The following ITPR2 variants were observed in gnomAD, a reference collection of about 807,000 sequenced individuals.
The protein encoded by ITPR2 is inositol 1,4,5-trisphosphate receptor type 2, also known as inositol 1,4,5-trisphosphate-gated calcium channel ITPR2.
ITPR2 carries 207 observed loss-of-function variants against 317.1 expected under a neutral mutation model. The ratio of observed to expected loss-of-function variants is 0.65; its 90% CI spans 0.58 to 0.73. The LOEUF (loss-of-function observed/expected upper bound fraction) is 0.73, where lower values mean the gene tolerates loss of function less well. Among genes scored for constraint, ITPR2 ranks in the 30% least tolerant of loss-of-function variants. The probability of loss-of-function intolerance (pLI) is 0.00; values close to 1 mark genes in which losing one functional copy is unlikely to be tolerated. For missense variants in ITPR2, 2,613 were observed against 3,284.0 expected (o/e 0.80, Z 4.99); for synonymous variants, 1,156 against 1,149.1 (o/e 1.01, Z -0.12).
chr12:26,444,467 A>G (rs1004643828), intron 45 of ITPR2, among the ~76,000 whole-genome samples: 7 of 152,136 alleles, frequency 4.6e-5, no homozygotes, highest in East Asian at 1.9e-4. Flanking sequence ...TTTCACTCCC[A>G]GCACAATGCC....
At chr12:26,461,627 A>ATATATATATAT (rs1942023954) in intron 45 of ITPR2, among the ~76,000 whole-genome samples, 1 of 48,718 alleles carries the variant, frequency 2.1e-5, no homozygotes, top group African/African-American at 8.4e-5. Flanking sequence ...AAAGCATATA[A>ATATATATATAT]ATATATATAT....
chr12:26,825,764 T>C lies in ITPR2; in HGVS notation c.92+6926A>G, dbSNP rs1456074325. Among the ~76,000 whole-genome samples, 6 of 152,228 alleles carry C rather than the reference T, an allele frequency of 3.9e-5. No individual in the cohort carries two copies. In the East Asian group the frequency reaches 1.2e-3, roughly 29 times the overall value. Reference sequence around the variant, plus strand: ...CACCCTTTCAGCTTAAAATATACTTTATGTTCACCACTTCAGAAACTCTCT... The same window carrying C: ...CACCCTTTCAGCTTAAAATATACTTCATGTTCACCACTTCAGAAACTCTCT... On this transcript the variant is annotated intron_variant, in intron 1 of 56. Transcript: ENST00000381340.
At chr12:26,454,494 C>T (rs1941829104) in intron 45 of ITPR2, among the ~76,000 whole-genome samples, 1 of 152,166 alleles carries the variant, frequency 6.6e-6, no homozygotes, top group African/African-American at 2.4e-5. Flanking sequence ...GCGTAAGCCA[C>T]CATGCCGGGC....
Position 26,656,531 on chromosome 12 carries a change from A to G in ITPR2, c.2210T>C (p.Phe737Ser). The change falls in exon 19 of 57, where the codon TTT becomes TCT. Residue 737 changes from phenylalanine (F) to serine (S), a missense_variant. By Grantham distance (155) the Phe-to-Ser change is radical (BLOSUM62 -2). Around this residue, in one of 9 missense-constraint regions of ITPR2, gnomAD observed 817 missense variants for 897.6 expected, o/e 0.91. Coordinates refer to ENST00000381340, the MANE Select transcript of ITPR2 (RefSeq NM_002223.4). Reference sequence around the variant, plus strand: ...CTGGCGATCCAAGCACATCCTTGCAAAGAGGTTTAGCTGGTACCTTAAAAA... The same window carrying G: ...CTGGCGATCCAAGCACATCCTTGCAGAGAGGTTTAGCTGGTACCTTAAAAA... ...LTYYRYQLNLFARMCLDRQYL... is the reference protein window; with the variant it reads ...LTYYRYQLNLSARMCLDRQYL... 1 of 1,614,224 alleles carries G rather than the reference A, an allele frequency of 6.2e-7. No individual in the cohort carries two copies. Among genetic ancestry groups the G allele is most frequent in the Non-Finnish European group, 8.5e-7 (1 of 1,180,036 alleles).
intron 55 of ITPR2, among the ~76,000 whole-genome samples, chr12:26,342,345 T>G (rs1938144529): frequency 6.6e-6 from 1 of 152,064 alleles, no homozygotes; most frequent in Non-Finnish European, 1.5e-5. Context: ...ATCTATCCAG[T>G]ATTTATATTA....
At chr12:26,520,317 G>C (rs749578548) in intron 37 of ITPR2, among the ~76,000 whole-genome samples, 30 of 152,218 alleles carry the variant, frequency 2.0e-4, no homozygotes, top group Non-Finnish European at 3.8e-4. Flanking sequence ...CAATCTGGGA[G>C]GAAGAACAGA....
intron 2 of ITPR2, among the ~76,000 whole-genome samples, chr12:26,768,597 A>AAAAAACC: frequency 6.8e-6 from 1 of 147,468 alleles, no homozygotes. Flanking sequence ...AAAAAAAAAA[A>AAAAAACC]CCTCCTGTTT....
At chr12:26,549,227 A>T (rs1944463849) in intron 37 of ITPR2, among the ~76,000 whole-genome samples, 1 of 152,158 alleles carries the variant, frequency 6.6e-6, no homozygotes, top group Admixed American at 6.5e-5. Context: ...GACCACCTTT[A>T]TTTTGATCAT....
At chr12:26,826,114 A>G (rs906663100) in intron 1 of ITPR2, among the ~76,000 whole-genome samples, 2 of 152,048 alleles carry the variant, frequency 1.3e-5, no homozygotes, top group Non-Finnish European at 1.5e-5. Flanking sequence ...AAAAAGTCCT[A>G]TTGAGGCTGG....
At chr12:26,507,843 C>T (rs1437021995) in intron 37 of ITPR2, among the ~76,000 whole-genome samples, 1 of 141,340 alleles carries the variant, frequency 7.1e-6, no homozygotes, top group African/African-American at 2.5e-5. Context: ...GAATATCTCT[C>T]TACTCTTCTC....
At chr12:26,605,109 A>T (rs1334901028) in intron 26 of ITPR2, among the ~76,000 whole-genome samples, 95 of 92,498 alleles carry the variant, frequency 1.0e-3, no homozygotes, top group Middle Eastern at 5.4e-3. Context: ...AAATAAAAAT[A>T]AAAAATAAAA....
At chr12:26,799,887 C>G (rs1950523744) in intron 1 of ITPR2, among the ~76,000 whole-genome samples, 2 of 152,212 alleles carry the variant, frequency 1.3e-5, no homozygotes, top group African/African-American at 4.8e-5. Flanking sequence ...CTGACCTTAA[C>G]TACTACCAGT....
At chr12:26,504,954 A>G (rs1328604505) in intron 37 of ITPR2, among the ~76,000 whole-genome samples, 1 of 152,158 alleles carries the variant, frequency 6.6e-6, no homozygotes, top group Non-Finnish European at 1.5e-5. Context: ...TAGAATGATG[A>G]CAGGGAAAAA....
intron 37 of ITPR2, among the ~76,000 whole-genome samples, chr12:26,539,851 T>C (rs1337012564): frequency 6.6e-6 from 1 of 152,218 alleles, no homozygotes. Context: ...TAACATGACA[T>C]GATATGTCTA....
chr12:26,432,900 C>G (rs1386407941), intron 48 of ITPR2, among the ~76,000 whole-genome samples: 1 of 152,072 alleles, frequency 6.6e-6, no homozygotes, highest in East Asian at 1.9e-4. Context: ...TAATCTCACC[C>G]ACCTCTAAAT....
At chr12:26,577,985 C>T (rs1945314887) in intron 34 of ITPR2, among the ~76,000 whole-genome samples, 1 of 152,104 alleles carries the variant, frequency 6.6e-6, no homozygotes, top group Non-Finnish European at 1.5e-5. Context: ...AAGTACCCAA[C>T]AAATGTTAAC....
At chr12:26,729,204 G>GA (rs909382637) in intron 2 of ITPR2, among the ~76,000 whole-genome samples, 1 of 151,766 alleles carries the variant, frequency 6.6e-6, no homozygotes, top group African/African-American at 2.4e-5. Flanking sequence ...ACAATCACAT[G>GA]AAAAAAAAGC....
chr12:26,408,050 C>G (rs763206800), intron 52 of ITPR2, among the ~76,000 whole-genome samples: 1 of 152,192 alleles, frequency 6.6e-6, no homozygotes, highest in African/African-American at 2.4e-5. Flanking sequence ...AAAGGTCTCT[C>G]TGTCTAATCT....
In ITPR2 at chr12:26,359,249, T is replaced by G. The variant is rs539842374; in HGVS notation, c.7858-18921A>C. Among the ~76,000 whole-genome samples, 216 of 152,300 alleles carry G rather than the reference T, an allele frequency of 1.4e-3. 1 individual carries two copies. The highest frequency in any genetic ancestry group is 4.9e-3 in the African/African-American group (205 of 41,554). On this transcript the variant is annotated intron_variant, in intron 55 of 56. Coordinates refer to ENST00000381340, the MANE Select transcript of ITPR2 (RefSeq NM_002223.4). ...CTGCTACTTCATTTTTTCCAAGGTC[T>G]GGAGGTGAGAAATATTCAGGTACAA...
Sources: gnomAD v4.1 joint callset for allele counts (sites outside exome capture counted in the v4.1 genomes callset) on GRCh38, gnomAD v4.1.1 for gene constraint, gnomAD v4.1.1 regional missense constraint, MANE v1.5 for transcripts, NCBI Gene and HGNC (gene_info 2026-07-23, HGNC 2026-07-21) for gene names.